XRN2: variants seen among roughly 807,000 people sequenced by gnomAD.
XRN2 encodes the protein 5'-3' exoribonuclease 2, also known as DHM1-like protein.
Under a neutral mutation model 138.5 loss-of-function variants are expected in XRN2, and 44 were observed. The ratio of observed to expected loss-of-function variants is 0.32; its 90% CI spans 0.25 to 0.41. XRN2 has a LOEUF of 0.41. XRN2 is among the 10% of genes least tolerant of loss of function. XRN2 has a pLI of 1.00. For synonymous variants in XRN2, 354 were observed against 369.4 expected, an observed-to-expected ratio of 0.96 and a Z score of 0.48; for missense variants, 937 against 1,169.3, an observed-to-expected ratio of 0.80 and a Z score of 2.90.
At chr20:21,319,294 G>C (rs2038005745) in intron 1 of XRN2, among the ~76,000 whole-genome samples, 1 of 152,048 alleles carries the variant, frequency 6.6e-6, no homozygotes, top group African/African-American at 2.4e-5. Context: ...TGTATCTCCT[G>C]TAGATAACGC....
At chr20:21,363,914 G>A (rs6113210) in intron 24 of XRN2, among the ~76,000 whole-genome samples, 1 of 152,092 alleles carries the variant, frequency 6.6e-6, no homozygotes, top group Non-Finnish European at 1.5e-5. Context: ...ATGTCATTAA[G>A]GTCATTAAGT....
intron 1 of XRN2, 110 bp downstream of exon 1, chr20:21,303,583 G>A (rs961078942): frequency 7.9e-6 from 11 of 1,392,480 alleles, no homozygotes; most frequent in Non-Finnish European, 1.0e-5. Flanking sequence ...CGGAGCTCGC[G>A]CCCTGCTGCC....
At position 21,303,413 on chromosome 20, in the gene XRN2, G is replaced by C. The variant is rs1272713333; in HGVS notation, c.15G>C (p.Ala5=). 1 of 1,548,726 alleles carries C rather than the reference G, an allele frequency of 6.5e-7. No individual in the cohort carries two copies. The highest frequency in any genetic ancestry group is 1.2e-5 in the South Asian group (1 of 83,860). MGVP[A]FFRWLSRKYP... is the part of the protein sequence containing the mutation. Reference sequence around the variant, plus strand: ...CGTGTGCCGCTATGGGAGTCCCGGCGTTCTTCCGCTGGCTCAGCCGCAAGT... The same window carrying C: ...CGTGTGCCGCTATGGGAGTCCCGGCCTTCTTCCGCTGGCTCAGCCGCAAGT... The change falls in exon 1 of 30, where the codon GCG becomes GCC. Residue 5 remains alanine (A), a synonymous_variant. Coordinates refer to ENST00000377191, the MANE Select transcript of XRN2 (RefSeq NM_012255.5).
rs753445525 is a variant in XRN2, at chr20:21,349,459, A to C, written c.1934A>C (p.Gln645Pro). 5 of 1,602,794 alleles carry C rather than the reference A, an allele frequency of 3.1e-6. No homozygotes were observed. The Admixed American group carries it at 6.7e-5, about 21-fold the overall frequency. Residue 645 changes from glutamine to proline, a missense_variant and splice_region_variant, in exon 20 of 30, where the codon CAA becomes CCA. Coordinates refer to ENST00000377191, the MANE Select transcript of XRN2 (RefSeq NM_012255.5). The part of the protein sequence containing the change: ...IDLNGKKYAW[Q>P]GVALLPFVDE... Reference sequence around the variant, plus strand: ...TTGAATGGGAAGAAATATGCATGGCAAGGTAAAATTTAGACGTTCTTTTCT... The same window carrying C: ...TTGAATGGGAAGAAATATGCATGGCCAGGTAAAATTTAGACGTTCTTTTCT...
rs1167926635 is a variant in XRN2 at position 21,365,718 on chromosome 20, T to G, written c.2456+14T>G. ...CAGGACTTTGGGGTGAGTTGTCAGT[T>G]TTTAGCCCTTGTATATTTTGCTTTT... is the stretch of plus-strand genomic sequence containing the variant. On this transcript the variant is annotated intron_variant, in intron 26 of 29. Transcript: ENST00000377191. 1 of 1,600,624 alleles carries G rather than the reference T, an allele frequency of 6.2e-7. No individual in the cohort carries two copies.
At position 21,354,797 on chromosome 20, in the gene XRN2, C is replaced by G. The variant is rs753363741; in HGVS notation, c.1945C>G (p.Leu649Val). ...GKKYAWQGVALLPFVDERRLR... is the reference protein window; with the variant it reads ...GKKYAWQGVAVLPFVDERRLR... The stretch of plus-strand genomic sequence containing the variant: ...TGCACTTGTTTTTTCAGGTGTTGCT[C>G]TCTTGCCATTCGTGGATGAGCGAAG... Residue 649 changes from leucine (L) to valine (V), a missense_variant, in exon 21 of 30, where the codon CTC becomes GTC. Coordinates refer to ENST00000377191, the MANE Select transcript of XRN2 (RefSeq NM_012255.5). The G allele has an allele frequency of 6.2e-7, 1 of 1,613,792 alleles. No homozygotes were observed. Among genetic ancestry groups the G allele is most frequent in the Non-Finnish European group, 8.5e-7 (1 of 1,179,916 alleles).
At chr20:21,341,468 A>G (rs1446469764) in intron 15 of XRN2, among the ~76,000 whole-genome samples, 3 of 152,188 alleles carry the variant, frequency 2.0e-5, no homozygotes, top group African/African-American at 7.2e-5. Context: ...GCCTTGTGGT[A>G]TTCTTCCATA....
chr20:21,330,616 G>A lies in XRN2; in HGVS notation c.487G>A (p.Gly163Arg). 1 of 1,613,428 alleles carries A rather than the reference G, an allele frequency of 6.2e-7. No homozygotes were observed. The highest frequency in any genetic ancestry group is 8.5e-7 in the Non-Finnish European group (1 of 1,179,820). Residue 163 changes from glycine (G) to arginine (R), a missense_variant and splice_region_variant, in exon 6 of 30, where the codon GGA becomes AGA. Physicochemically the swap from Gly to Arg is moderately radical, Grantham distance 125. This residue lies in a region of XRN2 where 471 missense variants were observed against 581.2 expected (regional missense o/e 0.81). Coordinates refer to ENST00000377191, the MANE Select transcript of XRN2 (RefSeq NM_012255.5). Reference sequence around the variant, plus strand: ...AATTTATTTCTTTCTATCATTTTAGGGAACTGAATTCATGGACAATCTTGC... The same window carrying A: ...AATTTATTTCTTTCTATCATTTTAGAGAACTGAATTCATGGACAATCTTGC... ...ERFDSNCITP[G>R]TEFMDNLAKC...
intron 29 of XRN2, 144 bp downstream of exon 29, chr20:21,387,150 T>A: frequency 9.2e-7 from 1 of 1,084,466 alleles, no homozygotes; most frequent in Non-Finnish European, 1.3e-6. Context: ...GGTCTGTCAT[T>A]AAAAATGTAT....
chr20:21,364,164 C>G (rs1403441401), intron 24 of XRN2, among the ~76,000 whole-genome samples: 1 of 152,160 alleles, frequency 6.6e-6, no homozygotes, highest in Non-Finnish European at 1.5e-5. Context: ...ATCTCCTGAC[C>G]TTGTGAGCCA....
chr20:21,304,768 C>T (rs2037792373), intron 1 of XRN2, among the ~76,000 whole-genome samples: 1 of 152,042 alleles, frequency 6.6e-6, no homozygotes, highest in African/African-American at 2.4e-5. Flanking sequence ...TTTTTCATTC[C>T]ATCGCCTGTG....
In XRN2 at chr20:21,324,291, A is replaced by G. The variant is rs78379428; in HGVS notation, c.76-1988A>G. On this transcript the variant is annotated intron_variant, in intron 1 of 29. Coordinates refer to ENST00000377191, the MANE Select transcript of XRN2 (RefSeq NM_012255.5). ...TGTTCTGCCTTAAATCCCTTTTGTT[A>G]TTCTTTCCCTCCAATTCTAAGTGCA... Among the ~76,000 whole-genome samples the G allele has an allele frequency of 1.6e-3, 234 of 150,626 alleles. 1 individual carries two copies. The highest frequency in any genetic ancestry group is 5.6e-3 in the African/African-American group (231 of 41,090).
At chr20:21,331,442 T>G in intron 6 of XRN2, 119 bp from the exon 7 acceptor site, 3 of 720,118 alleles carry the variant, frequency 4.2e-6, no homozygotes, top group African/African-American at 1.9e-5. Context: ...CACACACCCT[T>G]ATTCAGAAAA....
At chr20:21,309,155 A>G (rs2037844072) in intron 1 of XRN2, among the ~76,000 whole-genome samples, 1 of 152,234 alleles carries the variant, frequency 6.6e-6, no homozygotes, top group Non-Finnish European at 1.5e-5. Context: ...TGTAATGTGT[A>G]GTTGAGATGT....
chr20:21,314,122 A>T (rs1207723454), intron 1 of XRN2, among the ~76,000 whole-genome samples: 3 of 152,162 alleles, frequency 2.0e-5, no homozygotes, highest in African/African-American at 7.2e-5. Flanking sequence ...AGCAACCACT[A>T]ATCTACTTTA....
chr20:21,358,597 G>T (rs1312069767), intron 24 of XRN2, among the ~76,000 whole-genome samples: 2 of 151,854 alleles, frequency 1.3e-5, no homozygotes, highest in Non-Finnish European at 2.9e-5. Flanking sequence ...AAATATTTTA[G>T]ATTTTTTTTT....
chr20:21,334,261 A>G, intron 13 of XRN2, 76 bp downstream of exon 13: 1 of 1,223,626 alleles, frequency 8.2e-7, no homozygotes, highest in Non-Finnish European at 1.2e-6. Context: ...ATTACTTTTA[A>G]TCTCTTTGAG....
chr20:21,310,986 C>T lies in XRN2; in HGVS notation c.75+7513C>T, dbSNP rs142458028. 3.3e-3 allele frequency among the ~76,000 whole-genome samples: 505 copies of T among 152,074 alleles called. 4 individuals carry two copies. Among genetic ancestry groups the T allele is most frequent in the African/African-American group, 0.012 (486 of 41,458 alleles). ...CAGGATGGTCTTGATCTCCTGACCTCGTGATCTGCCCGCCTCTGCCTCCCA... is the reference window on the plus strand; with the variant it reads ...CAGGATGGTCTTGATCTCCTGACCTTGTGATCTGCCCGCCTCTGCCTCCCA... On this transcript the variant is annotated intron_variant, in intron 1 of 29. Transcript: ENST00000377191.
intron 29 of XRN2, among the ~76,000 whole-genome samples, chr20:21,388,349 A>G (rs535948363): frequency 7.9e-4 from 121 of 152,348 alleles, no homozygotes; most frequent in African/African-American, 2.7e-3. Context: ...GATATAAACC[A>G]ATTGGTAAAT....
Sources: allele counts gnomAD v4.1 joint callset (sites outside exome capture counted in the v4.1 genomes callset), GRCh38; gene constraint gnomAD v4.1.1; regional missense constraint gnomAD v4.1.1; transcripts MANE v1.5; gene names NCBI Gene and HGNC (gene_info 2026-07-23, HGNC 2026-07-21).